BCKDHB: variants seen among roughly 807,000 people sequenced by gnomAD.
The protein encoded by BCKDHB is branched chain keto acid dehydrogenase E1 subunit beta, also known as 2-oxoisovalerate dehydrogenase subunit beta, mitochondrial.
A neutral mutation model predicts 48.5 loss-of-function variants in BCKDHB; 41 were observed. The ratio of observed to expected loss-of-function variants is 0.85; its 90% CI spans 0.66 to 1.10. The LOEUF is 1.10. BCKDHB is among the 50% of genes least tolerant of loss of function. BCKDHB has a pLI of 0.00. For synonymous variants in BCKDHB, 201 were observed against 174.8 expected, an observed-to-expected ratio of 1.15 and a Z score of -1.18; for missense variants, 496 against 494.2, an observed-to-expected ratio of 1.00 and a Z score of -0.03.
At chr6:80,347,934 CA>C (rs1770281396), downstream of BCKDHB, among the ~76,000 whole-genome samples, 3 of 152,130 alleles carry the variant, frequency 2.0e-5, no homozygotes, top group Admixed American at 1.3e-4. Context: ...ATGCCAGGTC[CA>C]AAATCCTCCA....
At chr6:80,206,624 C>A in intron 8 of BCKDHB, among the ~76,000 whole-genome samples, 1 of 151,392 alleles carries the variant, frequency 6.6e-6, no homozygotes, top group Admixed American at 6.6e-5. Context: ...AAATATATAT[C>A]TGACAATAAG....
intron 8 of BCKDHB, among the ~76,000 whole-genome samples, chr6:80,206,818 GA>G (rs1434043348): frequency 6.6e-6 from 1 of 151,664 alleles, no homozygotes; most frequent in African/African-American, 2.4e-5. Context: ...AGAAGAGAGA[GA>G]AAATCTCTAA....
chr6:80,119,120 C>T (rs1450633078), intron 1 of BCKDHB, among the ~76,000 whole-genome samples: 1 of 152,040 alleles, frequency 6.6e-6, no homozygotes, highest in East Asian at 1.9e-4. Context: ...GAGACCTGGG[C>T]TCTACTAAAA....
At chr6:80,443,223 A>C in the BCKDHB span, 4 of 152,218 alleles carry the variant, frequency 2.6e-5, no homozygotes, top group African/African-American at 7.2e-5. Context: ...GGCTGAAAAA[A>C]AACAGATACT....
At chr6:80,121,357 G>T (rs1770008024) in intron 1 of BCKDHB, among the ~76,000 whole-genome samples, 1 of 152,054 alleles carries the variant, frequency 6.6e-6, no homozygotes, top group East Asian at 1.9e-4. Context: ...CTCTTTTTTG[G>T]TTCCATATGA....
At chr6:80,167,191 G>A (rs918077153) in intron 3 of BCKDHB, among the ~76,000 whole-genome samples, 1 of 151,796 alleles carries the variant, frequency 6.6e-6, no homozygotes, top group Non-Finnish European at 1.5e-5. Flanking sequence ...TATTAATATA[G>A]TGACATCAAC....
chr6:80,417,051 A>G, the BCKDHB span, among the ~76,000 whole-genome samples: 2 of 152,112 alleles, frequency 1.3e-5, no homozygotes, highest in African/African-American at 2.4e-5. Flanking sequence ...TTGGGTGCAT[A>G]TATATTTAAG....
At chr6:80,278,313 GGATGGCATTTTA>G (rs1778050191) in intron 9 of BCKDHB, among the ~76,000 whole-genome samples, 1 of 152,156 alleles carries the variant, frequency 6.6e-6, no homozygotes, top group Non-Finnish European at 1.5e-5. Context: ...TTTGGATATA[GGATGGCATTTTA>G]AAACTGTAGT....
intron 9 of BCKDHB, among the ~76,000 whole-genome samples, chr6:80,303,352 C>A (rs1767683440): frequency 6.6e-6 from 1 of 152,040 alleles, no homozygotes; most frequent in African/African-American, 2.4e-5. Flanking sequence ...AGTTCACTTA[C>A]ATATTGTAAC....
chr6:80,411,300 G>T, the BCKDHB span, among the ~76,000 whole-genome samples: 1 of 152,184 alleles, frequency 6.6e-6, no homozygotes, highest in Non-Finnish European at 1.5e-5. Flanking sequence ...TATTGCAGAA[G>T]AGAAAATATT....
rs1251771665 is a variant in BCKDHB at position 80,230,023 on chromosome 6, GTTGTT to G, written c.951+26814_951+26818del. Among the ~76,000 whole-genome samples, 89 of 89,498 alleles carry G rather than the reference GTTGTT, an allele frequency of 9.9e-4. 1 individual carries two copies. Among genetic ancestry groups the G allele is most frequent in the African/African-American group, 4.8e-3 (85 of 17,654 alleles). The allele number at this position is 89,498 out of a possible 152,430, so 58.7% of individuals were successfully genotyped here. ...ATTTGAATTCCAAAGGGGTTTTTAG[GTTGTT>G]TTTTTTTTTTTTTTTTTTTTTTTTT... On this transcript the variant is annotated intron_variant, in intron 8 of 9. Coordinates refer to ENST00000320393, the MANE Select transcript of BCKDHB (RefSeq NM_183050.4).
intron 9 of BCKDHB, among the ~76,000 whole-genome samples, chr6:80,326,303 T>C (rs1172662771): frequency 1.3e-5 from 2 of 152,148 alleles, no homozygotes; most frequent in East Asian, 3.9e-4. Flanking sequence ...ATGAAAGAAG[T>C]CCGGTATTCT....
chr6:80,459,237 C>T, the BCKDHB span, among the ~76,000 whole-genome samples: 2 of 152,128 alleles, frequency 1.3e-5, no homozygotes, highest in African/African-American at 2.4e-5. Context: ...TCCAAAAGTC[C>T]ATTGACAAAT....
chr6:80,248,925 TG>T (rs1776726336), intron 8 of BCKDHB, among the ~76,000 whole-genome samples: 3 of 151,488 alleles, frequency 2.0e-5, no homozygotes, highest in Non-Finnish European at 2.9e-5. Context: ...TGTGTGTGTG[TG>T]TGTATGTGTA....
At chr6:80,112,900 C>G (rs1769487239) in intron 1 of BCKDHB, among the ~76,000 whole-genome samples, 1 of 152,222 alleles carries the variant, frequency 6.6e-6, no homozygotes, top group South Asian at 2.1e-4. Context: ...AAAGCCTCAA[C>G]TTCTAGCATA....
the BCKDHB span, among the ~76,000 whole-genome samples, chr6:80,409,284 G>T: frequency 9.2e-5 from 14 of 151,878 alleles, 1 homozygote; most frequent in South Asian, 2.1e-4. Flanking sequence ...TTGCTGAGGA[G>T]TGTTTTACTT....
intron 9 of BCKDHB, among the ~76,000 whole-genome samples, chr6:80,304,021 GAAAT>G (rs1438749563): frequency 6.6e-6 from 1 of 152,250 alleles, no homozygotes; most frequent in East Asian, 1.9e-4. Context: ...ATATTAGAAA[GAAAT>G]AGGGTTTAGG....
intron 8 of BCKDHB, among the ~76,000 whole-genome samples, chr6:80,212,018 A>T (rs1004473864): frequency 6.6e-6 from 1 of 152,170 alleles, no homozygotes; most frequent in Non-Finnish European, 1.5e-5. Flanking sequence ...TTCTGAGGGA[A>T]CAGGACAAAG....
At chr6:80,388,567 T>G in the BCKDHB span, among the ~76,000 whole-genome samples, 96 of 152,250 alleles carry the variant, frequency 6.3e-4, no homozygotes, top group East Asian at 2.3e-3. Flanking sequence ...CAGGATTTCA[T>G]TATCAAATGC....
Sources: gnomAD v4.1 joint callset for allele counts (sites outside exome capture counted in the v4.1 genomes callset) on GRCh38, gnomAD v4.1.1 for gene constraint, MANE v1.5 for transcripts, NCBI Gene and HGNC (gene_info 2026-07-23, HGNC 2026-07-21) for gene names.